Variants in FSTL4 observed in about 807,000 individuals in gnomAD.
FSTL4 encodes the protein follistatin like 4, also known as follistatin-related protein 4.
In FSTL4, 28 loss-of-function variants were observed where a neutral mutation model predicts 78.2. The ratio of observed to expected loss-of-function variants is 0.36; its 90% CI spans 0.27 to 0.49. The LOEUF is 0.49. Ranked by LOEUF, FSTL4 falls within the 20% of genes least tolerant of loss-of-function variation. The pLI, the probability that FSTL4 is intolerant of heterozygous loss-of-function variation, is 0.98. For synonymous variants in FSTL4, 422 were observed against 440.5 expected (o/e 0.96, Z 0.53); for missense variants, 922 against 1,084.9 (o/e 0.85, Z 2.11).
At chr5:133,499,989 C>T (rs1196783487) in intron 3 of FSTL4, among the ~76,000 whole-genome samples, 1 of 152,142 alleles carries the variant, frequency 6.6e-6, no homozygotes, top group Non-Finnish European at 1.5e-5. Flanking sequence ...TTTTTATCAC[C>T]TCTCATGGGC....
At chr5:133,477,291 G>T (rs1757943164) in intron 3 of FSTL4, among the ~76,000 whole-genome samples, 1 of 152,168 alleles carries the variant, frequency 6.6e-6, no homozygotes, top group Non-Finnish European at 1.5e-5. Flanking sequence ...TAAAGGAAAG[G>T]AGTCAAATTT....
At chr5:133,227,891 T>C (rs906372913) in intron 8 of FSTL4, among the ~76,000 whole-genome samples, 22 of 152,196 alleles carry the variant, frequency 1.4e-4, no homozygotes, top group African/African-American at 4.3e-4. Flanking sequence ...TATTCAATTA[T>C]TGGTAATAAA....
the FSTL4 span, among the ~76,000 whole-genome samples, chr5:133,817,128 C>G: frequency 6.6e-6 from 1 of 152,256 alleles, no homozygotes; most frequent in African/African-American, 2.4e-5. Context: ...CACTACCCCG[C>G]TGTGTTAAGC....
the FSTL4 span, among the ~76,000 whole-genome samples, chr5:133,678,562 C>CGT: frequency 0.26 from 38,328 of 149,840 alleles, 4,903 homozygotes; most frequent in Admixed American, 0.33. Context: ...TGTGTTTGAG[C>CGT]GTGTGTGTGT....
the FSTL4 span, among the ~76,000 whole-genome samples, chr5:133,799,789 A>C: frequency 1.4e-5 from 2 of 139,630 alleles, no homozygotes; most frequent in East Asian, 2.0e-4. Context: ...ACACATGTGC[A>C]CCACACTATT....
At chr5:133,675,021 CA>C in the FSTL4 span, among the ~76,000 whole-genome samples, 2 of 131,906 alleles carry the variant, frequency 1.5e-5, no homozygotes, top group East Asian at 4.7e-4. Flanking sequence ...AAGAATCAAA[CA>C]AACAAACTTA....
At chr5:133,641,578 A>C in the FSTL4 span, among the ~76,000 whole-genome samples, 3 of 152,182 alleles carry the variant, frequency 2.0e-5, no homozygotes, top group East Asian at 5.8e-4. Flanking sequence ...AAGTGTATGA[A>C]TATATTTGCA....
chr5:133,350,974 T>A (rs1294415314), intron 4 of FSTL4, among the ~76,000 whole-genome samples: 1 of 152,224 alleles, frequency 6.6e-6, no homozygotes, highest in South Asian at 2.1e-4. Context: ...TGAATGGCAA[T>A]GTGTCCAGGT....
chr5:133,724,495 G>GT, the FSTL4 span, among the ~76,000 whole-genome samples: 1 of 150,660 alleles, frequency 6.6e-6, no homozygotes, highest in South Asian at 2.1e-4. Flanking sequence ...GTTTTCCTGG[G>GT]TGGGGGGGCG....
intron 6 of FSTL4, among the ~76,000 whole-genome samples, chr5:133,253,050 AAAATTT>A (rs1752298839): frequency 1.3e-5 from 2 of 152,252 alleles, no homozygotes; most frequent in African/African-American, 4.8e-5. Context: ...TGGATCACTT[AAAATTT>A]AATTAAATGA....
At position 133,400,884 on chromosome 5, in the gene FSTL4, T is replaced by C. The variant is rs1030063172; in HGVS notation, c.263A>G (p.Gln88Arg). Residue 88 changes from glutamine to arginine, a missense_variant, in exon 4 of 16, where the codon CAG (glutamine) becomes CGG (arginine). Transcript: ENST00000265342. Reference protein sequence around the residue: ...LSRKTGEPECQCLEACRPSYV... With the variant: ...LSRKTGEPECRCLEACRPSYV... ...GCTGGGCCTGCATGCCTCCAGGCAC[T>C]GGCATTCGGGCTCCCCTGTCTTCCT... 6.2e-7 allele frequency: 1 copy of C among 1,613,890 alleles called. No individual in the cohort carries two copies.
intron 4 of FSTL4, among the ~76,000 whole-genome samples, chr5:133,376,899 A>AAAAG (rs1755448700): frequency 6.6e-6 from 1 of 151,662 alleles, no homozygotes. Context: ...AAAAAAAAAA[A>AAAAG]AAAAAAGAAA....
chr5:133,252,250 C>T (rs1752271506), intron 6 of FSTL4: 1 of 152,154 alleles, frequency 6.6e-6, no homozygotes, highest in African/African-American at 2.4e-5. Flanking sequence ...TCAGATTTTC[C>T]CTGCACGTCT....
chr5:133,349,765 T>C (rs1754782592), intron 4 of FSTL4, among the ~76,000 whole-genome samples: 1 of 150,042 alleles, frequency 6.7e-6, no homozygotes, highest in African/African-American at 2.5e-5. Context: ...GGATGGACTT[T>C]GTCATGCTGC....
chr5:133,669,741 G>A, the FSTL4 span, among the ~76,000 whole-genome samples: 1 of 152,216 alleles, frequency 6.6e-6, no homozygotes, highest in African/African-American at 2.4e-5. Context: ...TTCTGAGGCT[G>A]CGAGTGCCTC....
intron 6 of FSTL4, among the ~76,000 whole-genome samples, chr5:133,307,772 C>T (rs1284084249): frequency 6.9e-6 from 1 of 144,334 alleles, no homozygotes; most frequent in Non-Finnish European, 1.5e-5. Flanking sequence ...CACCTTCTGT[C>T]TCCCAATTTT....
Position 133,225,094 on chromosome 5 carries a change from G to C in FSTL4, c.1312+56C>G. ...CCCTGGTCAATTGGTGCCCTCCCTT[G>C]CCACCCAACACCTCCCAGCCAGCTC... On this transcript the variant is annotated intron_variant, in intron 10 of 15. Coordinates refer to ENST00000265342, the MANE Select transcript of FSTL4 (RefSeq NM_015082.2). The surrounding 1 kb of genome is among the most constrained non-coding windows in gnomAD (Gnocchi z 4.6). 1.2e-6 allele frequency: 2 copies of C among 1,608,208 alleles called. No homozygotes were observed. Among genetic ancestry groups the C allele is most frequent in the South Asian group, 2.2e-5 (2 of 90,772 alleles).
intron 6 of FSTL4, among the ~76,000 whole-genome samples, chr5:133,310,282 C>T (rs1413362272): frequency 1.3e-5 from 2 of 152,230 alleles, no homozygotes; most frequent in Admixed American, 6.5e-5. Flanking sequence ...TCCAAGGCGA[C>T]AGCAGAATCT....
intron 3 of FSTL4, among the ~76,000 whole-genome samples, chr5:133,476,978 T>C (rs1757937916): frequency 6.6e-6 from 1 of 152,156 alleles, no homozygotes; most frequent in Non-Finnish European, 1.5e-5. Flanking sequence ...CATCTGGGGG[T>C]GGGGCTGCAT....
Sources: gnomAD v4.1 joint callset for allele counts (sites outside exome capture counted in the v4.1 genomes callset) on GRCh38, gnomAD v4.1.1 for gene constraint, Gnocchi (gnomAD v3.1) non-coding constraint, MANE v1.5 for transcripts, NCBI Gene and HGNC (gene_info 2026-07-23, HGNC 2026-07-21) for gene names.